Variants in GMDS observed in about 807,000 individuals in gnomAD.
GMDS encodes the protein GDP-mannose 4,6 dehydratase.
GMDS carries 20 observed loss-of-function variants against 49.9 expected under a neutral mutation model. That is an observed-to-expected ratio of 0.40 (90% confidence interval 0.28 to 0.58). The LOEUF (loss-of-function observed/expected upper bound fraction) is 0.58. Ranked by LOEUF, GMDS falls within the 20% of genes least tolerant of loss-of-function variation. The pLI is 0.42. For synonymous variants in GMDS, 177 were observed against 178.6 expected (o/e 0.99, Z 0.07); for missense variants, 362 against 481.4 (o/e 0.75, Z 2.32).
At chr6:1,850,565 G>C (rs1305904816) in intron 7 of GMDS, among the ~76,000 whole-genome samples, 2 of 152,110 alleles carry the variant, frequency 1.3e-5, no homozygotes, top group African/African-American at 4.8e-5. Context: ...CTCAAATTGG[G>C]TGGAAACAAA....
chr6:1,637,913 T>C (rs2113172368), intron 9 of GMDS, among the ~76,000 whole-genome samples: 2 of 152,298 alleles, frequency 1.3e-5, no homozygotes. Context: ...GGATCCTGGA[T>C]TCAAACCCAG....
intron 4 of GMDS, among the ~76,000 whole-genome samples, chr6:2,032,436 T>C (rs1769025160): frequency 6.6e-6 from 1 of 152,222 alleles, no homozygotes; most frequent in South Asian, 2.1e-4. Context: ...TGTGTACTAA[T>C]CTCATTTTTG....
At position 1,663,568 on chromosome 6, in the gene GMDS, C is replaced by G. The variant is rs566654654; in HGVS notation, c.988-39028G>C. Among the ~76,000 whole-genome samples, 13 of 152,300 alleles carry G rather than the reference C, an allele frequency of 8.5e-5. No homozygotes were observed. In the South Asian group the frequency reaches 1.5e-3, roughly 17 times the overall value. ...ACACGGCGGCCCTCCTCCTCACAGC[C>G]TGGAACCCCAAACCCTACCACTGGC... is the stretch of plus-strand genomic sequence containing the variant. On this transcript the variant is annotated intron_variant, in intron 9 of 10. Transcript: ENST00000380815.
At chr6:1,770,282 G>A (rs1054773627) in intron 7 of GMDS, among the ~76,000 whole-genome samples, 3 of 152,162 alleles carry the variant, frequency 2.0e-5, no homozygotes, top group African/African-American at 7.2e-5. Flanking sequence ...CCTAGGTTAG[G>A]AAATTTGGAT....
intron 8 of GMDS, among the ~76,000 whole-genome samples, chr6:1,737,348 G>T (rs1767033856): frequency 6.6e-6 from 1 of 152,118 alleles, no homozygotes. Context: ...ACAAGTATTT[G>T]CCTGTTTGGG....
chr6:2,036,729 A>G lies in GMDS; in HGVS notation c.346-75763T>C, dbSNP rs537561370. 1.1e-4 allele frequency among the ~76,000 whole-genome samples: 16 copies of G among 152,340 alleles called. No individual in the cohort carries two copies. In the East Asian group the frequency reaches 3.1e-3, roughly 29 times the overall value. ...CTGAGAATAAGCAGTTATCCTCACG[A>G]AGCATATTCTATGGGAAAAGTAAAC... On this transcript the variant is annotated intron_variant, in intron 4 of 10. Transcript: ENST00000380815.
At chr6:2,181,124 G>A (rs964241548) in intron 1 of GMDS, among the ~76,000 whole-genome samples, 28 of 135,744 alleles carry the variant, frequency 2.1e-4, no homozygotes, top group South Asian at 4.6e-4. Flanking sequence ...GCAGTGAGCC[G>A]AGATCACACC....
At chr6:2,134,411 G>T (rs552701484) in intron 1 of GMDS, among the ~76,000 whole-genome samples, 1 of 152,250 alleles carries the variant, frequency 6.6e-6, no homozygotes, top group Non-Finnish European at 1.5e-5. Context: ...GCTTTGTAAG[G>T]GTAGTGGAGT....
chr6:2,220,858 G>A (rs933319739), intron 1 of GMDS, among the ~76,000 whole-genome samples: 8 of 152,108 alleles, frequency 5.3e-5, no homozygotes, highest in African/African-American at 1.9e-4. Context: ...TTTGATAATG[G>A]TAATAAAGCT....
chr6:2,032,752 C>T (rs1769047464), intron 4 of GMDS, among the ~76,000 whole-genome samples: 1 of 152,138 alleles, frequency 6.6e-6, no homozygotes. Flanking sequence ...CTCCATTCAT[C>T]ATTATAAAAC....
chr6:1,855,160 G>A (rs918694156), intron 7 of GMDS, among the ~76,000 whole-genome samples: 6 of 152,168 alleles, frequency 3.9e-5, no homozygotes, highest in African/African-American at 1.4e-4. Context: ...TCTGCATATG[G>A]TGTCAGGAAA....
In GMDS at chr6:1,780,548, T is replaced by A. The variant is rs535155414; in HGVS notation, c.772-37962A>T. Reference sequence around the variant, plus strand: ...GCACCAGGAGCCTTTTGGTCAGTTATAAACCCTCTCCTTCCCCTCCTGCTT... The same window carrying A: ...GCACCAGGAGCCTTTTGGTCAGTTAAAAACCCTCTCCTTCCCCTCCTGCTT... On this transcript the variant is annotated intron_variant, in intron 7 of 10. Coordinates refer to ENST00000380815, the MANE Select transcript of GMDS (RefSeq NM_001500.4). Among the ~76,000 whole-genome samples the A allele has an allele frequency of 5.9e-5, 9 of 152,284 alleles. No homozygotes were observed. The South Asian group carries it at 1.9e-3, about 32-fold the overall frequency.
intron 4 of GMDS, among the ~76,000 whole-genome samples, chr6:2,009,332 CAT>C (rs1767402808): frequency 6.6e-6 from 1 of 152,180 alleles, no homozygotes. Flanking sequence ...TCCCAAATCC[CAT>C]ACTACATCTA....
At chr6:1,932,309 A>G (rs1762323496) in intron 6 of GMDS, among the ~76,000 whole-genome samples, 2 of 152,124 alleles carry the variant, frequency 1.3e-5, no homozygotes, top group South Asian at 4.1e-4. Flanking sequence ...TAATTTTCCG[A>G]GCAACCCATG....
intron 1 of GMDS, among the ~76,000 whole-genome samples, chr6:2,176,790 C>T (rs6920255): frequency 0.11 from 16,654 of 152,100 alleles, 3,024 homozygotes; most frequent in African/African-American, 0.38. Context: ...GCAGAAGACA[C>T]CTTTCAGTGC....
intron 7 of GMDS, among the ~76,000 whole-genome samples, chr6:1,824,551 C>G (rs1428064593): frequency 6.6e-6 from 1 of 152,104 alleles, no homozygotes; most frequent in Non-Finnish European, 1.5e-5. Context: ...GCCTGGTGGT[C>G]TGTCTTCTGT....
intron 1 of GMDS, among the ~76,000 whole-genome samples, chr6:2,190,808 G>A (rs997248675): frequency 2.0e-5 from 3 of 152,156 alleles, no homozygotes; most frequent in Non-Finnish European, 4.4e-5. Flanking sequence ...GGGTGGTGGC[G>A]GGAGGCGGCA....
intron 4 of GMDS, among the ~76,000 whole-genome samples, chr6:2,042,711 A>G (rs1056894457): frequency 1.3e-5 from 2 of 152,200 alleles, no homozygotes; most frequent in African/African-American, 4.8e-5. Flanking sequence ...CTATCTTGAG[A>G]AGTGCTCTTA....
intron 7 of GMDS, among the ~76,000 whole-genome samples, chr6:1,755,883 T>G (rs145752894): frequency 0.01 from 1,544 of 152,052 alleles, 27 homozygotes; most frequent in African/African-American, 0.035. Context: ...CCAAAAGCAA[T>G]GGAAACAAAA....
Sources: gnomAD v4.1 joint callset for allele counts (sites outside exome capture counted in the v4.1 genomes callset) on GRCh38, gnomAD v4.1.1 for gene constraint, MANE v1.5 for transcripts, NCBI Gene and HGNC (gene_info 2026-07-23, HGNC 2026-07-21) for gene names.